SEPSECS: variants seen among roughly 807,000 people sequenced by gnomAD.
SEPSECS encodes the protein Sep (O-phosphoserine) tRNA:Sec (selenocysteine) tRNA synthase.
A neutral mutation model predicts 52.1 loss-of-function variants in SEPSECS; 42 were observed. The observed-to-expected ratio is 0.81, with a 90% CI of 0.63 to 1.04. The LOEUF (loss-of-function observed/expected upper bound fraction) is 1.04, where lower values mean the gene tolerates loss of function less well. Among genes scored for constraint, SEPSECS ranks in the 50% least tolerant of loss-of-function variants. The pLI is 0.00. For missense variants in SEPSECS, 590 were observed against 610.6 expected, an observed-to-expected ratio of 0.97 and a Z score of 0.36; for synonymous variants, 216 against 211.4, an observed-to-expected ratio of 1.02 and a Z score of -0.19.
At chr4:25,157,607 C>G (rs867452998) in intron 2 of SEPSECS, among the ~76,000 whole-genome samples, 1 of 150,452 alleles carries the variant, frequency 6.6e-6, no homozygotes, top group African/African-American at 2.5e-5. Context: ...TGCAGTGGCG[C>G]GATCTCGGCT....
intron 8 of SEPSECS, among the ~76,000 whole-genome samples, chr4:25,127,690 AATG>A (rs1201435018): frequency 6.6e-6 from 1 of 152,088 alleles, no homozygotes; most frequent in Admixed American, 6.6e-5. Context: ...ATAGATCCTA[AATG>A]ATTTTTCTGC....
In SEPSECS at chr4:25,123,586, T is replaced by C. The variant is rs1728223055; in HGVS notation, c.*345A>G. ...CTGTGTGATCAGAAACGGTAAAGAA[T>C]GGTTAGGAGGAAGCACTCTACATTT... On this transcript the variant is annotated 3_prime_UTR_variant, in exon 11 of 11. Coordinates refer to ENST00000382103, the MANE Select transcript of SEPSECS (RefSeq NM_016955.4). 1 of 268,838 alleles carries C rather than the reference T, an allele frequency of 3.7e-6. No individual in the cohort carries two copies. Among genetic ancestry groups the C allele is most frequent in the Non-Finnish European group, 7.2e-6 (1 of 138,168 alleles). 16.7% of individuals were successfully genotyped at this position (268,838 alleles called of 1,614,324 possible).
At chr4:25,135,258 A>T (rs2109012197) in intron 8 of SEPSECS, among the ~76,000 whole-genome samples, 1 of 152,220 alleles carries the variant, frequency 6.6e-6, no homozygotes. Context: ...AAAAAAAAAA[A>T]AAAGTCAACG....
intron 6 of SEPSECS, 45 bp from the exon 7 acceptor site, chr4:25,145,178 C>T: frequency 6.2e-7 from 1 of 1,601,136 alleles, no homozygotes; most frequent in Non-Finnish European, 8.6e-7. Flanking sequence ...GGAAAACAGA[C>T]AACTGCTATT....
chr4:25,153,685 C>A lies in SEPSECS; in HGVS notation c.701+1313G>T, dbSNP rs547620147. Among the ~76,000 whole-genome samples, 306 of 151,766 alleles carry A rather than the reference C, an allele frequency of 2.0e-3. 3 individuals carry two copies. In the South Asian group the frequency reaches 0.021, roughly 11 times the overall value. ...AGGAATGAAGCCAATGTAAAAAAAACAAAAAACAAAATGTGGTTTTAAAAT... is the reference window on the plus strand; with the variant it reads ...AGGAATGAAGCCAATGTAAAAAAAAAAAAAAACAAAATGTGGTTTTAAAAT... On this transcript the variant is annotated intron_variant, in intron 5 of 10. Coordinates refer to ENST00000382103, the MANE Select transcript of SEPSECS (RefSeq NM_016955.4).
chr4:25,159,931 G>T (rs778637381), intron 1 of SEPSECS: 17 of 985,320 alleles, frequency 1.7e-5, no homozygotes, highest in Non-Finnish European at 2.0e-5. Context: ...GGTGAAAGAT[G>T]GAGGTGCGAA....
chr4:25,150,603 T>C (rs1300621607), intron 6 of SEPSECS, among the ~76,000 whole-genome samples: 9 of 152,100 alleles, frequency 5.9e-5, no homozygotes, highest in African/African-American at 9.7e-5. Context: ...CCTATTAACA[T>C]TGTAAGACAC....
intron 3 of SEPSECS, 132 bp downstream of exon 3, chr4:25,156,707 CAAAAAAAAAAAAAAAAA>C (rs34542574): frequency 2.2e-5 from 5 of 229,668 alleles, no homozygotes; most frequent in East Asian, 2.3e-4. Context: ...GACTCCGTCT[CAAAAAAAAAAAAAAAAA>C]AAAAAAAAAA....
intron 6 of SEPSECS, among the ~76,000 whole-genome samples, chr4:25,145,876 T>C (rs1711931893): frequency 6.6e-6 from 1 of 152,212 alleles, no homozygotes; most frequent in African/African-American, 2.4e-5. Flanking sequence ...TTAACATCAC[T>C]TAATGGAAGT....
At chr4:25,159,649 G>A (rs1367123478) in intron 1 of SEPSECS, 52 of 357,270 alleles carry the variant, frequency 1.5e-4, no homozygotes, top group South Asian at 2.1e-5. Context: ...GCGGGCGCCT[G>A]TAGTCCCAGC....
chr4:25,142,065 T>C (rs1170515701), intron 8 of SEPSECS, among the ~76,000 whole-genome samples: 1 of 152,140 alleles, frequency 6.6e-6, no homozygotes, highest in Non-Finnish European at 1.5e-5. Flanking sequence ...TCACATGAGG[T>C]CAGGAGTTCA....
chr4:25,131,271 C>T (rs1437306289), intron 8 of SEPSECS, among the ~76,000 whole-genome samples: 1 of 152,118 alleles, frequency 6.6e-6, no homozygotes, highest in African/African-American at 2.4e-5. Context: ...TATGTAATCA[C>T]ACCTTTGGAA....
chr4:25,134,547 G>C (rs2109011451), intron 8 of SEPSECS, among the ~76,000 whole-genome samples: 1 of 151,874 alleles, frequency 6.6e-6, no homozygotes, highest in East Asian at 1.9e-4. Context: ...ATTCCAAGGG[G>C]GCATTATTCT....
chr4:25,123,706 T>C lies in SEPSECS; in HGVS notation c.*225A>G, dbSNP rs1577597269. ...ACAGATATTCTAACAATTAGAAAAATGCTAATTGTATATTATAACCTGTTA... is the reference window on the plus strand; with the variant it reads ...ACAGATATTCTAACAATTAGAAAAACGCTAATTGTATATTATAACCTGTTA... On this transcript the variant is annotated 3_prime_UTR_variant, in exon 11 of 11. Transcript: ENST00000382103. The C allele has an allele frequency of 9.3e-6, 5 of 537,332 alleles. No homozygotes were observed. Among genetic ancestry groups the C allele is most frequent in the East Asian group, 9.1e-5 (3 of 33,006 alleles). 33.3% of individuals were successfully genotyped at this position (537,332 alleles called of 1,614,324 possible). A position where few individuals can be genotyped will look rare whatever the true frequency, so the allele number is the denominator to read the frequency against.
At position 25,155,136 on chromosome 4, in the gene SEPSECS, A is replaced by G. The variant is rs542097910; in HGVS notation, c.563T>C (p.Val188Ala). 1 of 1,614,118 alleles carries G rather than the reference A, an allele frequency of 6.2e-7. No homozygotes were observed. Among genetic ancestry groups the G allele is most frequent in the South Asian group, 1.1e-5 (1 of 91,082 alleles). ...GTCACCTTCCAAAACATTTTCTATC[A>G]CCACAGGCTCAAAACCTAACCAAAC... ...SMITAGFEPVVIENVLEGDEL... is the reference protein window; with the variant it reads ...SMITAGFEPVAIENVLEGDEL... Residue 188 changes from valine to alanine, a missense_variant, in exon 5 of 11, where the codon GTG becomes GCG. By Grantham distance (64) the Val-to-Ala change is moderately conservative. Transcript: ENST00000382103.
upstream of SEPSECS, chr4:25,160,483 A>AAAAACAAAAC (rs779134137): frequency 6.7e-5 from 56 of 830,514 alleles, no homozygotes; most frequent in East Asian, 4.1e-4. Flanking sequence ...CCTTGGGACA[A>AAAAACAAAAC]AAAACAAAAC....
rs368182922 is a variant in SEPSECS at position 25,125,777 on chromosome 4, T to C, written c.1128A>G (p.Thr376=). 448 of 1,610,484 alleles carry C rather than the reference T, an allele frequency of 2.8e-4. 1 individual carries two copies. The East Asian group carries it at 8.2e-3, about 30-fold the overall frequency. ...CACGGTGTTCATCTAGTGTTTTAAG[T>C]GTCATAGCTGAAAAAGAAAAAAGTA... The part of the protein sequence containing the change: ...TPHNPISLAM[T]LKTLDEHRDK... The change falls in exon 10 of 11, where the codon ACA becomes ACG. Residue 376 remains threonine (T), a synonymous_variant. Coordinates refer to ENST00000382103, the MANE Select transcript of SEPSECS (RefSeq NM_016955.4).
At position 25,122,335 on chromosome 4, in the gene SEPSECS, TACA is replaced by T. The variant is rs1484492213; in HGVS notation, c.*1593_*1595del. The stretch of plus-strand genomic sequence containing the variant: ...TGTTTACAAACAGTCTGGGACAATG[TACA>T]ACGTCACCAAAATACCAGAAAATCC... On this transcript the variant is annotated 3_prime_UTR_variant, in exon 11 of 11. Coordinates refer to ENST00000382103, the MANE Select transcript of SEPSECS (RefSeq NM_016955.4). The T allele has an allele frequency of 6.6e-6, 1 of 152,196 alleles. No homozygotes were observed. Among genetic ancestry groups the T allele is most frequent in the Non-Finnish European group, 1.5e-5 (1 of 68,016 alleles). 9.4% of individuals were successfully genotyped at this position (152,196 alleles called of 1,614,324 possible). A position where few individuals can be genotyped will look rare whatever the true frequency, so the allele number is the denominator to read the frequency against.
chr4:25,136,437 A>T (rs557592965), intron 8 of SEPSECS, among the ~76,000 whole-genome samples: 2 of 152,218 alleles, frequency 1.3e-5, no homozygotes, highest in African/African-American at 4.8e-5. Context: ...ATCATTCATG[A>T]TTTGGCTCTC....
Sources: gnomAD v4.1 joint callset for allele counts (sites outside exome capture counted in the v4.1 genomes callset) on GRCh38, gnomAD v4.1.1 for gene constraint, MANE v1.5 for transcripts, NCBI Gene and HGNC (gene_info 2026-07-23, HGNC 2026-07-21) for gene names.